The following MEGF6 variants were observed in gnomAD, a reference collection of about 807,000 sequenced individuals.
The protein encoded by MEGF6 is multiple EGF like domains 6.
In MEGF6, 184 loss-of-function variants were observed where a neutral mutation model predicts 207.1. The ratio of observed to expected loss-of-function variants is 0.89; its 90% CI spans 0.79 to 1.00. The LOEUF is 1.00. Among genes scored for constraint, MEGF6 ranks in the 50% least tolerant of loss-of-function variants. The pLI is 0.00. For synonymous variants in MEGF6, 1,038 were observed against 910.0 expected (o/e 1.14, Z -2.53); for missense variants, 2,282 against 2,202.9 (o/e 1.04, Z -0.72).
At chr1:3,514,741 A>G in intron 6 of MEGF6, 69 bp from the exon 7 acceptor site, 6 of 1,470,350 alleles carry the variant, frequency 4.1e-6, no homozygotes, top group Non-Finnish European at 5.4e-6. Flanking sequence ...GCCTGCCCCC[A>G]GGCTTCTTGT....
upstream of MEGF6, among the ~76,000 whole-genome samples, chr1:3,613,472 T>C (rs1486593996): frequency 6.6e-6 from 1 of 152,200 alleles, no homozygotes. Flanking sequence ...GGTCAGCAAG[T>C]GTGTGTCAAG....
intron 4 of MEGF6, among the ~76,000 whole-genome samples, chr1:3,567,492 T>C (rs1643376228): frequency 1.3e-5 from 2 of 152,154 alleles, no homozygotes; most frequent in Non-Finnish European, 2.9e-5. Flanking sequence ...GGGCTGCGTG[T>C]GGCGGGGATC....
chr1:3,545,411 C>T (rs1036184020), intron 4 of MEGF6, among the ~76,000 whole-genome samples: 6 of 152,166 alleles, frequency 3.9e-5, no homozygotes, highest in African/African-American at 1.4e-4. Flanking sequence ...TGTCCCGCGC[C>T]TCCTGCGTCC....
chr1:3,505,460 G>A lies in MEGF6; in HGVS notation c.2015C>T (p.Ser672Phe). ...QSCDKRDGSC[S>F]CKAGFRGERC... ...CTCGCCCCGGAAGCCAGCCTTGCAG[G>A]AGCAGCTGCCATCCCTCTTGTCACA... is the stretch of plus-strand genomic sequence containing the variant. Residue 672 changes from serine (S) to phenylalanine (F), a missense_variant, in exon 16 of 37, where the codon TCC (serine) becomes TTC (phenylalanine). Coordinates refer to ENST00000356575, the MANE Select transcript of MEGF6 (RefSeq NM_001409.4). 2 of 1,610,636 alleles carry A rather than the reference G, an allele frequency of 1.2e-6. No individual in the cohort carries two copies. The highest frequency in any genetic ancestry group is 2.2e-5 in the East Asian group (1 of 44,750).
intron 5 of MEGF6, among the ~76,000 whole-genome samples, chr1:3,519,805 G>A (rs2101134230): frequency 6.6e-6 from 1 of 152,386 alleles, no homozygotes; most frequent in South Asian, 2.1e-4. Flanking sequence ...CCAGGGGAGG[G>A]GGTCTATGCA....
In MEGF6 at chr1:3,505,362, G is replaced by A. The variant is rs546784389; in HGVS notation, c.2054-20C>T. 3 of 1,608,204 alleles carry A rather than the reference G, an allele frequency of 1.9e-6. No homozygotes were observed. In the South Asian group the frequency reaches 3.3e-5, roughly 18 times the overall value. ...CACACTCTGCAGGGCGTGAGAGAGG[G>A]GTGGGTGGGGTTAACCGACCCTGGC... On this transcript the variant is annotated intron_variant, in intron 16 of 36. Coordinates refer to ENST00000356575, the MANE Select transcript of MEGF6 (RefSeq NM_001409.4).
At chr1:3,515,918 C>T (rs1472149693) in intron 5 of MEGF6, among the ~76,000 whole-genome samples, 3 of 152,244 alleles carry the variant, frequency 2.0e-5, no homozygotes, top group Non-Finnish European at 2.9e-5. Context: ...CAGGCTGCAT[C>T]TCCCTGGAGG....
intron 4 of MEGF6, among the ~76,000 whole-genome samples, chr1:3,533,451 G>A (rs933296372): frequency 2.6e-5 from 4 of 152,234 alleles, no homozygotes; most frequent in Non-Finnish European, 4.4e-5. Flanking sequence ...ATTTATGACC[G>A]TAATGTGCAA....
intron 4 of MEGF6, among the ~76,000 whole-genome samples, chr1:3,536,350 A>G (rs940684236): frequency 6.6e-6 from 1 of 151,782 alleles, no homozygotes; most frequent in Non-Finnish European, 1.5e-5. Flanking sequence ...GTACGGGGGC[A>G]TCGCCCCACC....
At position 3,499,692 on chromosome 1, in the gene MEGF6, A is replaced by G. The variant is rs774233766; in HGVS notation, c.2861T>C (p.Leu954Ser). 1.4e-4 allele frequency: 226 copies of G among 1,603,170 alleles called. No individual in the cohort carries two copies. The highest frequency in any genetic ancestry group is 1.9e-4 in the Non-Finnish European group (218 of 1,176,164). The change falls in exon 23 of 37, where the codon TTG (leucine) becomes TCG (serine). Residue 954 changes from leucine to serine, a missense_variant. By Grantham distance (145) the Leu-to-Ser change is moderately radical (BLOSUM62 -2). Transcript: ENST00000356575. The stretch of plus-strand genomic sequence containing the variant: ...GCAGTTGCAGGCACTGCGACAGTCC[A>G]ATCCAAAGAAGCCGGCCGGGCAGGC... ...EHACPAGFFG[L>S]DCRSACNCTA...
At chr1:3,598,904 AG>A (rs1644116498) in intron 2 of MEGF6, among the ~76,000 whole-genome samples, 1 of 152,100 alleles carries the variant, frequency 6.6e-6, no homozygotes, top group African/African-American at 2.4e-5. Flanking sequence ...CTTTATTCAA[AG>A]GGCCCCCGGC....
At chr1:3,508,743 GCA>G in intron 12 of MEGF6, 54 bp from the exon 13 acceptor site, 1 of 1,594,514 alleles carries the variant, frequency 6.3e-7, no homozygotes, top group Non-Finnish European at 8.6e-7. Context: ...GCCTCAGCAG[GCA>G]CAGAGGCCCG....
chr1:3,512,132 G>T lies in MEGF6; in HGVS notation c.854-4C>A, dbSNP rs192309515. The T allele has an allele frequency of 7.3e-3, 11,746 of 1,600,892 alleles. 113 individuals are homozygous for T. Among genetic ancestry groups the T allele is most frequent in the Non-Finnish European group, 6.7e-3 (7,884 of 1,171,294 alleles). On this transcript the variant is annotated splice_polypyrimidine_tract_variant and splice_region_variant and intron_variant, in intron 7 of 36. Coordinates refer to ENST00000356575, the MANE Select transcript of MEGF6 (RefSeq NM_001409.4). Reference sequence around the variant, plus strand: ...CCTGCGGCACATTCGTCCACATCTGGAGGGGAGAGACCACAGGGAGGGCTC... The same window carrying T: ...CCTGCGGCACATTCGTCCACATCTGTAGGGGAGAGACCACAGGGAGGGCTC...
At chr1:3,498,110 C>A (rs1428388758) in intron 26 of MEGF6, among the ~76,000 whole-genome samples, 2 of 152,170 alleles carry the variant, frequency 1.3e-5, no homozygotes, top group Non-Finnish European at 2.9e-5. Flanking sequence ...CCAAAGCATC[C>A]TCCGTTCCAC....
intron 4 of MEGF6, among the ~76,000 whole-genome samples, chr1:3,566,345 C>T (rs1643343183): frequency 6.6e-6 from 1 of 152,226 alleles, no homozygotes; most frequent in African/African-American, 2.4e-5. Flanking sequence ...CCCCAGGAAT[C>T]TTAAAAATGG....
chr1:3,595,087 T>C (rs1212877130), intron 3 of MEGF6, among the ~76,000 whole-genome samples: 3 of 151,932 alleles, frequency 2.0e-5, no homozygotes, highest in African/African-American at 7.3e-5. Flanking sequence ...GGCAGGCTCC[T>C]GTCCTCCGGC....
In MEGF6 at chr1:3,565,224, G is replaced by A. The variant is rs1488769460; in HGVS notation, c.481+14601C>T. Among the ~76,000 whole-genome samples the A allele has an allele frequency of 7.2e-5, 11 of 151,982 alleles. No homozygotes were observed. Among genetic ancestry groups the A allele is most frequent in the Admixed American group, 7.2e-4 (11 of 15,266 alleles). Reference sequence around the variant, plus strand: ...CTGTGTCCCCGAGGCCTGGGCAGTTGGGCGTCCCCAGGCGCCTCCTTGTTT... The same window carrying A: ...CTGTGTCCCCGAGGCCTGGGCAGTTAGGCGTCCCCAGGCGCCTCCTTGTTT... On this transcript the variant is annotated intron_variant, in intron 4 of 36. Transcript: ENST00000356575. The surrounding 1 kb of genome is among the most constrained non-coding windows in gnomAD (Gnocchi z 4.8).
intron 4 of MEGF6, among the ~76,000 whole-genome samples, chr1:3,570,367 C>T (rs1455595565): frequency 2.0e-5 from 3 of 152,116 alleles, no homozygotes; most frequent in Non-Finnish European, 2.9e-5. Context: ...CACGGGGAAG[C>T]GGGACTCGGG....
intron 3 of MEGF6, among the ~76,000 whole-genome samples, chr1:3,586,610 C>A (rs989265570): frequency 2.0e-5 from 3 of 152,172 alleles, no homozygotes; most frequent in Non-Finnish European, 4.4e-5. Context: ...GAAAAGGGAG[C>A]CCAGAGCCTG....
Sources: gnomAD v4.1 joint callset for allele counts (sites outside exome capture counted in the v4.1 genomes callset) on GRCh38, gnomAD v4.1.1 for gene constraint, Gnocchi (gnomAD v3.1) non-coding constraint, MANE v1.5 for transcripts, NCBI Gene and HGNC (gene_info 2026-07-23, HGNC 2026-07-21) for gene names.